POU6F2: variants seen among roughly 807,000 people sequenced by gnomAD.
POU6F2 encodes the protein POU domain, class 6, transcription factor 2.
A neutral mutation model predicts 71.3 loss-of-function variants in POU6F2; 31 were observed. The ratio of observed to expected loss-of-function variants is 0.43; its 90% CI spans 0.33 to 0.59. The LOEUF is 0.59. Ranked by LOEUF, POU6F2 falls within the 20% of genes least tolerant of loss-of-function variation. The probability of loss-of-function intolerance (pLI) is 0.04; values close to 1 mark genes in which losing one functional copy is unlikely to be tolerated. For synonymous variants in POU6F2, 347 were observed against 355.7 expected (o/e 0.98, Z 0.27); for missense variants, 783 against 856.8 (o/e 0.91, Z 1.07).
chr7:39,046,535 T>C (rs1790295444), intron 1 of POU6F2, among the ~76,000 whole-genome samples: 1 of 151,944 alleles, frequency 6.6e-6, no homozygotes, highest in African/African-American at 2.4e-5. Flanking sequence ...GCTTTTCTTC[T>C]AGATCAGGAT....
chr7:39,101,759 A>T (rs1791578746), intron 2 of POU6F2, among the ~76,000 whole-genome samples: 1 of 152,202 alleles, frequency 6.6e-6, no homozygotes. Flanking sequence ...ATGTGGTATG[A>T]TGGATGTGTT....
intron 4 of POU6F2, among the ~76,000 whole-genome samples, chr7:39,294,891 G>A (rs1244384958): frequency 1.3e-5 from 2 of 152,178 alleles, no homozygotes; most frequent in African/African-American, 4.8e-5. Context: ...CACAACATGA[G>A]AACATTTCAG....
rs147349684 is a variant in POU6F2 at position 39,391,845 on chromosome 7, TATAG to T, written c.973-14752_973-14749del. Reference sequence around the variant, plus strand: ...TAACTAGTTGTTATTTAAAATCTATTATAGATTTAAAGTTCCATTGTTTTCCCTA... The same window carrying T: ...TAACTAGTTGTTATTTAAAATCTATTATTTAAAGTTCCATTGTTTTCCCTA... On this transcript the variant is annotated intron_variant, in intron 5 of 9. Coordinates refer to ENST00000518318, the MANE Select transcript of POU6F2 (RefSeq NM_001370959.1). 8.8e-3 allele frequency among the ~76,000 whole-genome samples: 1,343 copies of T among 152,310 alleles called. 12 individuals are homozygous for T. The highest frequency in any genetic ancestry group is 0.031 in the African/African-American group (1,294 of 41,556).
rs1789126262 is a variant in POU6F2, at chr7:39,468,478, AAC to A, written c.*3793_*3794del. The A allele has an allele frequency of 6.6e-6, 1 of 152,100 alleles. No individual in the cohort carries two copies. The highest frequency in any genetic ancestry group is 2.4e-5 in the African/African-American group (1 of 41,416). The allele number at this position is 152,100 out of a possible 1,614,324, so 9.4% of individuals were successfully genotyped here. A position where few individuals can be genotyped will look rare whatever the true frequency, so the allele number is the denominator to read the frequency against. Reference sequence around the variant, plus strand: ...TTGCTTAATATTTAAAAAAAAAAAAAACTGTACTTAATCTAGAGCAATATCTG... The same window carrying A: ...TTGCTTAATATTTAAAAAAAAAAAAATGTACTTAATCTAGAGCAATATCTG... On this transcript the variant is annotated 3_prime_UTR_variant, in exon 10 of 10. Coordinates refer to ENST00000518318, the MANE Select transcript of POU6F2 (RefSeq NM_001370959.1).
At chr7:39,335,376 A>T (rs540979773) in intron 4 of POU6F2, among the ~76,000 whole-genome samples, 1 of 152,322 alleles carries the variant, frequency 6.6e-6, no homozygotes, top group East Asian at 1.9e-4. Context: ...ACAACTGTAC[A>T]CTTTCCCAGG....
At chr7:39,330,279 A>G (rs1465924336) in intron 4 of POU6F2, among the ~76,000 whole-genome samples, 1 of 152,232 alleles carries the variant, frequency 6.6e-6, no homozygotes, top group Non-Finnish European at 1.5e-5. Flanking sequence ...TGCTCCAAAG[A>G]GAAGCATAGC....
chr7:39,271,711 A>G (rs909661265), intron 4 of POU6F2, among the ~76,000 whole-genome samples: 1 of 152,200 alleles, frequency 6.6e-6, no homozygotes, highest in African/African-American at 2.4e-5. Context: ...CGTCAGTAAC[A>G]TGCCTATATG....
chr7:39,067,900 A>T (rs2128717415), intron 1 of POU6F2, among the ~76,000 whole-genome samples: 1 of 152,310 alleles, frequency 6.6e-6, no homozygotes, highest in East Asian at 1.9e-4. Flanking sequence ...TTAGAAAAAA[A>T]TTTTAAGGAT....
At chr7:39,148,446 C>CTA (rs1270544438) in intron 2 of POU6F2, among the ~76,000 whole-genome samples, 6 of 152,302 alleles carry the variant, frequency 3.9e-5, no homozygotes, top group South Asian at 2.1e-4. Flanking sequence ...GTCCCAGCAT[C>CTA]TATTCCTTGG....
intron 2 of POU6F2, among the ~76,000 whole-genome samples, chr7:39,114,142 AT>A (rs1314828336): frequency 1.3e-5 from 2 of 152,202 alleles, no homozygotes; most frequent in Admixed American, 1.3e-4. Context: ...TAGTACTGAG[AT>A]TACACACATA....
intron 1 of POU6F2, among the ~76,000 whole-genome samples, chr7:39,012,397 G>T (rs1183322872): frequency 6.7e-6 from 1 of 149,896 alleles, no homozygotes; most frequent in African/African-American, 2.4e-5. Flanking sequence ...GCACTTCTCT[G>T]TATTGGTTAT....
At chr7:39,330,535 A>G (rs573240201) in intron 4 of POU6F2, among the ~76,000 whole-genome samples, 2 of 152,178 alleles carry the variant, frequency 1.3e-5, no homozygotes, top group Non-Finnish European at 2.9e-5. Context: ...TGACTTTAAT[A>G]TGGCTACCTT....
intron 4 of POU6F2, among the ~76,000 whole-genome samples, chr7:39,274,581 G>A (rs1347382623): frequency 7.5e-6 from 1 of 133,124 alleles, no homozygotes; most frequent in Non-Finnish European, 1.6e-5. Flanking sequence ...ACCAAAGCCA[G>A]GCAGAGACAC....
intron 5 of POU6F2, among the ~76,000 whole-genome samples, chr7:39,401,794 A>G (rs1787310015): frequency 6.6e-6 from 1 of 152,202 alleles, no homozygotes; most frequent in Non-Finnish European, 1.5e-5. Context: ...TCTAAATTGA[A>G]AAGTTAGTAG....
chr7:39,462,577 G>A (rs1192440367), intron 9 of POU6F2, among the ~76,000 whole-genome samples: 2 of 152,172 alleles, frequency 1.3e-5, no homozygotes, highest in African/African-American at 4.8e-5. Flanking sequence ...AAAGCCTGTT[G>A]TGACGCTATC....
At chr7:39,016,200 G>C (rs1266140056) in intron 1 of POU6F2, among the ~76,000 whole-genome samples, 1 of 134,260 alleles carries the variant, frequency 7.4e-6, no homozygotes, top group Non-Finnish European at 1.5e-5. Flanking sequence ...ATTATATATA[G>C]ATGTATATAA....
intron 1 of POU6F2, among the ~76,000 whole-genome samples, chr7:38,997,440 G>C (rs999831702): frequency 6.6e-6 from 1 of 152,136 alleles, no homozygotes; most frequent in Non-Finnish European, 1.5e-5. Context: ...TGAAGCAATA[G>C]CTCCTGCAGC....
intron 2 of POU6F2, among the ~76,000 whole-genome samples, chr7:39,098,408 G>GTAC (rs1419228557): frequency 6.6e-6 from 1 of 151,852 alleles, no homozygotes; most frequent in Non-Finnish European, 1.5e-5. Flanking sequence ...TGAGTAGCTG[G>GTAC]TACTACAGGC....
rs571227810 is a variant in POU6F2, at chr7:39,009,472, G to A, written c.105+31414G>A. 3.9e-5 allele frequency among the ~76,000 whole-genome samples: 6 copies of A among 152,234 alleles called. No homozygotes were observed. In the South Asian group the frequency reaches 1.2e-3, roughly 32 times the overall value. On this transcript the variant is annotated intron_variant, in intron 1 of 9. Coordinates refer to ENST00000518318, the MANE Select transcript of POU6F2 (RefSeq NM_001370959.1). ...ATACAATCATGTCATCTGCAAACAG[G>A]GACAATCTGACTTCTTCTTTTCCTA...
Sources: allele counts gnomAD v4.1 joint callset (sites outside exome capture counted in the v4.1 genomes callset), GRCh38; gene constraint gnomAD v4.1.1; transcripts MANE v1.5; gene names NCBI Gene and HGNC (gene_info 2026-07-23, HGNC 2026-07-21).